CTNNA2: variants seen among roughly 807,000 people sequenced by gnomAD.
The protein encoded by CTNNA2 is catenin alpha 2, also known as catenin alpha-2.
CTNNA2 carries 42 observed loss-of-function variants against 101.0 expected under a neutral mutation model. The observed-to-expected ratio is 0.42, with a 90% confidence interval of 0.32 to 0.54. CTNNA2 has a LOEUF of 0.54. Ranked by LOEUF, CTNNA2 falls within the 20% of genes least tolerant of loss-of-function variation. The pLI, the probability that CTNNA2 is intolerant of heterozygous loss-of-function variation, is 0.14. For missense variants in CTNNA2, 871 were observed against 1,223.1 expected (o/e 0.71, Z 4.29); for synonymous variants, 450 against 456.4 (o/e 0.99, Z 0.18).
intron 12 of CTNNA2, among the ~76,000 whole-genome samples, chr2:80,556,129 G>T (rs1413315061): frequency 6.6e-6 from 1 of 152,098 alleles, no homozygotes; most frequent in Admixed American, 6.5e-5. Context: ...TTTTCATATA[G>T]ATCATTTGAT....
chr2:79,979,126 C>A (rs186979280), intron 7 of CTNNA2, among the ~76,000 whole-genome samples: 3 of 152,278 alleles, frequency 2.0e-5, no homozygotes, highest in African/African-American at 7.2e-5. Context: ...TGGCTCAAGC[C>A]TGTAATCCCC....
At chr2:79,755,436 C>A (rs1286520566) in intron 3 of CTNNA2, among the ~76,000 whole-genome samples, 1 of 152,192 alleles carries the variant, frequency 6.6e-6, no homozygotes, top group East Asian at 1.9e-4. Context: ...TGCAGCTGAG[C>A]TAGAGATCTG....
chr2:79,711,306 C>T (rs1282651909), intron 2 of CTNNA2, among the ~76,000 whole-genome samples: 1 of 152,038 alleles, frequency 6.6e-6, no homozygotes, highest in Non-Finnish European at 1.5e-5. Flanking sequence ...ATGGTGTTGC[C>T]TCATCTCTTC....
chr2:79,462,021 T>C (rs1317287352), intron 4 of CTNNA2, among the ~76,000 whole-genome samples: 2 of 152,146 alleles, frequency 1.3e-5, no homozygotes, highest in East Asian at 1.9e-4. Context: ...GTGAATTGTA[T>C]GTTAAATTTA....
chr2:79,945,970 G>T (rs1688464926), intron 7 of CTNNA2, among the ~76,000 whole-genome samples: 1 of 152,140 alleles, frequency 6.6e-6, no homozygotes, highest in Non-Finnish European at 1.5e-5. Context: ...TGAATTAGGG[G>T]TGAAATAATT....
chr2:79,765,294 C>T (rs1437995919), intron 3 of CTNNA2, among the ~76,000 whole-genome samples: 1 of 152,144 alleles, frequency 6.6e-6, no homozygotes, highest in Non-Finnish European at 1.5e-5. Context: ...AGTATTTCCT[C>T]TATTGTTACA....
At chr2:79,919,590 T>C (rs931790284) in intron 7 of CTNNA2, among the ~76,000 whole-genome samples, 2 of 152,178 alleles carry the variant, frequency 1.3e-5, no homozygotes, top group Admixed American at 6.5e-5. Flanking sequence ...ACAATTGATC[T>C]TCTCGGAAGA....
chr2:79,712,398 C>A (rs905016635), intron 2 of CTNNA2, among the ~76,000 whole-genome samples: 1 of 152,272 alleles, frequency 6.6e-6, no homozygotes, highest in African/African-American at 2.4e-5. Flanking sequence ...ATTCTCAAAG[C>A]TCTAAACAGC....
intron 7 of CTNNA2, among the ~76,000 whole-genome samples, chr2:80,311,904 T>C (rs1352390320): frequency 6.6e-6 from 1 of 152,248 alleles, no homozygotes; most frequent in Non-Finnish European, 1.5e-5. Context: ...GCTATCACTT[T>C]ACCAAGACAT....
At chr2:80,464,039 C>T (rs778475896) in intron 9 of CTNNA2, among the ~76,000 whole-genome samples, 25 of 152,062 alleles carry the variant, frequency 1.6e-4, no homozygotes, top group Non-Finnish European at 2.6e-4. Flanking sequence ...TTCCTTCTTT[C>T]TAAACCAACA....
chr2:80,633,717 G>A (rs537075043), intron 18 of CTNNA2, among the ~76,000 whole-genome samples: 15 of 152,312 alleles, frequency 9.8e-5, no homozygotes, highest in Non-Finnish European at 1.0e-4. Context: ...AAGCAGCAAT[G>A]ATGGTATTCA....
At chr2:80,131,608 T>A (rs1199498831) in intron 7 of CTNNA2, among the ~76,000 whole-genome samples, 1 of 152,108 alleles carries the variant, frequency 6.6e-6, no homozygotes, top group African/African-American at 2.4e-5. Context: ...TAGTGACAAA[T>A]CAGGTAGGGG....
chr2:79,452,966 C>T (rs1357610573), intron 4 of CTNNA2, among the ~76,000 whole-genome samples: 1 of 152,088 alleles, frequency 6.6e-6, no homozygotes, highest in African/African-American at 2.4e-5. Context: ...TGCCTACCAT[C>T]CTCTGCCATA....
intron 3 of CTNNA2, among the ~76,000 whole-genome samples, chr2:79,324,080 C>G (rs1476214783): frequency 6.6e-6 from 1 of 152,152 alleles, no homozygotes; most frequent in African/African-American, 2.4e-5. Flanking sequence ...TGCATTCAGT[C>G]CTGAAAATGA....
chr2:79,889,417 G>A (rs114085390), intron 6 of CTNNA2, among the ~76,000 whole-genome samples: 3 of 152,056 alleles, frequency 2.0e-5, no homozygotes, highest in Non-Finnish European at 2.9e-5. Context: ...TCATATGCAC[G>A]TATGATTAGC....
intron 2 of CTNNA2, among the ~76,000 whole-genome samples, chr2:79,664,953 C>T (rs1039529962): frequency 6.6e-6 from 1 of 152,016 alleles, no homozygotes; most frequent in African/African-American, 2.4e-5. Context: ...CCTCGTGATC[C>T]GCCCGTCTCG....
intron 4 of CTNNA2, among the ~76,000 whole-genome samples, chr2:79,475,888 T>C (rs1174575115): frequency 6.6e-6 from 1 of 152,080 alleles, no homozygotes; most frequent in Non-Finnish European, 1.5e-5. Flanking sequence ...TAAAATAAGA[T>C]AAATGAAGGG....
intron 7 of CTNNA2, among the ~76,000 whole-genome samples, chr2:80,252,350 T>C (rs1361548298): frequency 6.6e-6 from 1 of 152,206 alleles, no homozygotes; most frequent in Admixed American, 6.6e-5. Context: ...CCTAATTCTT[T>C]ATGCCTTTAC....
At chr2:79,241,003 A>T (rs1438639623) in intron 2 of CTNNA2, among the ~76,000 whole-genome samples, 1 of 152,180 alleles carries the variant, frequency 6.6e-6, no homozygotes, top group African/African-American at 2.4e-5. Flanking sequence ...TCTGGGCTTC[A>T]CTCAACATAT....
Sources: gnomAD v4.1 joint callset for allele counts (sites outside exome capture counted in the v4.1 genomes callset) on GRCh38, gnomAD v4.1.1 for gene constraint, MANE v1.5 for transcripts, NCBI Gene and HGNC (gene_info 2026-07-23, HGNC 2026-07-21) for gene names.